MDFIC: variants seen among roughly 807,000 people sequenced by gnomAD.
MDFIC encodes the protein myoD family inhibitor domain-containing protein.
In MDFIC, 17 loss-of-function variants were observed where a neutral mutation model predicts 23.2. The observed-to-expected ratio is 0.73, with a 90% CI of 0.50 to 1.10. The LOEUF (loss-of-function observed/expected upper bound fraction) is 1.10, where lower values mean the gene tolerates loss of function less well. Ranked by LOEUF, MDFIC falls within the 50% of genes least tolerant of loss-of-function variation. MDFIC has a pLI of 0.00. For synonymous variants in MDFIC, 120 were observed against 115.2 expected, an observed-to-expected ratio of 1.04 and a Z score of -0.27; for missense variants, 356 against 316.6, an observed-to-expected ratio of 1.12 and a Z score of -0.95.
At chr7:114,944,507 A>C (rs1412593126) in intron 3 of MDFIC, among the ~76,000 whole-genome samples, 2 of 152,220 alleles carry the variant, frequency 1.3e-5, no homozygotes, top group Admixed American at 1.3e-4. Flanking sequence ...GAAGTGGAAC[A>C]TTTTATATCA....
intron 3 of MDFIC, among the ~76,000 whole-genome samples, chr7:114,954,173 A>C (rs914806310): frequency 2.0e-5 from 3 of 152,190 alleles, no homozygotes; most frequent in Non-Finnish European, 4.4e-5. Flanking sequence ...CTTTTTTATT[A>C]TGGAGATCTG....
intron 4 of MDFIC, among the ~76,000 whole-genome samples, chr7:114,984,983 G>A (rs1349096017): frequency 1.3e-5 from 2 of 152,160 alleles, no homozygotes; most frequent in Non-Finnish European, 2.9e-5. Flanking sequence ...GAACAAGACA[G>A]TGAAGAGCGT....
At chr7:114,924,970 T>C (rs1792161445) in intron 2 of MDFIC, among the ~76,000 whole-genome samples, 1 of 152,202 alleles carries the variant, frequency 6.6e-6, no homozygotes, top group South Asian at 2.1e-4. Context: ...TCTCAAGTTC[T>C]TTTATCCTCT....
chr7:114,942,384 T>G lies in MDFIC; in HGVS notation c.204T>G (p.Gly68=). ...DQSIWGNPSD[G]ELIRTQPQRL... ...CCATTTGGGGAAATCCTTCGGATGG[T>G]GAACTCATTAGAAGTAAGTATTTTT... Residue 68 remains glycine, a synonymous_variant, in exon 3 of 5, where the codon GGT becomes GGG. Coordinates refer to ENST00000393486, the MANE Select transcript of MDFIC (RefSeq NM_001166345.3). 1 of 1,599,006 alleles carries G rather than the reference T, an allele frequency of 6.3e-7. No homozygotes were observed. The highest frequency in any genetic ancestry group is 8.5e-7 in the Non-Finnish European group (1 of 1,173,362).
rs148522927 is a variant in MDFIC, at chr7:114,967,608, G to A, written c.218-11898G>A. Among the ~76,000 whole-genome samples, 12 of 152,098 alleles carry A rather than the reference G, an allele frequency of 7.9e-5. No homozygotes were observed. In the East Asian group the frequency reaches 2.3e-3, roughly 29 times the overall value. On this transcript the variant is annotated intron_variant, in intron 3 of 4. Coordinates refer to ENST00000393486, the MANE Select transcript of MDFIC (RefSeq NM_001166345.3). ...TATTTGTAAGTTAAGTTATATGAGG[G>A]CCAGGTCTTTATACATTTATTCTTT...
chr7:114,988,799 GAGA>G (rs1332613252), intron 4 of MDFIC, among the ~76,000 whole-genome samples: 1 of 152,200 alleles, frequency 6.6e-6, no homozygotes, highest in Non-Finnish European at 1.5e-5. Context: ...TGGAGCTGGA[GAGA>G]AGGAGTTAGA....
At chr7:114,948,795 C>T (rs1020724457) in intron 3 of MDFIC, among the ~76,000 whole-genome samples, 1 of 151,996 alleles carries the variant, frequency 6.6e-6, no homozygotes, top group Non-Finnish European at 1.5e-5. Context: ...ACCTCTAGTT[C>T]TCTGGAATTG....
intron 2 of MDFIC, among the ~76,000 whole-genome samples, chr7:114,935,652 C>A (rs1346454935): frequency 6.6e-6 from 1 of 151,732 alleles, no homozygotes; most frequent in African/African-American, 2.4e-5. Context: ...TATAAGTAGA[C>A]TAGGAAACCC....
intron 3 of MDFIC, among the ~76,000 whole-genome samples, chr7:114,953,095 A>T (rs1340505445): frequency 6.6e-6 from 1 of 152,228 alleles, no homozygotes; most frequent in Non-Finnish European, 1.5e-5. Flanking sequence ...TTTACTACAG[A>T]ACATGGAAGA....
At chr7:114,983,283 G>A (rs6466504) in intron 4 of MDFIC, among the ~76,000 whole-genome samples, 152,003 of 152,348 alleles carry the variant, frequency 1, 75,830 homozygotes, top group Middle Eastern at 1. Flanking sequence ...TGATTTTTGT[G>A]CCACATATAA....
intron 3 of MDFIC, among the ~76,000 whole-genome samples, chr7:114,942,683 T>C (rs777571408): frequency 6.6e-6 from 1 of 152,140 alleles, no homozygotes; most frequent in Non-Finnish European, 1.5e-5. Context: ...TAAGTGGAAG[T>C]CAAACAACTC....
chr7:114,926,361 A>G (rs1017414901), intron 2 of MDFIC, among the ~76,000 whole-genome samples: 1 of 152,222 alleles, frequency 6.6e-6, no homozygotes, highest in African/African-American at 2.4e-5. Context: ...TAGAAGCACA[A>G]ATTATAACAT....
chr7:114,939,813 T>A (rs1792503064), intron 2 of MDFIC, among the ~76,000 whole-genome samples: 1 of 152,240 alleles, frequency 6.6e-6, no homozygotes, highest in African/African-American at 2.4e-5. Flanking sequence ...GGAATTAAAT[T>A]TGAACAGCTC....
chr7:114,927,869 C>G (rs1411777676), intron 2 of MDFIC, among the ~76,000 whole-genome samples: 4 of 152,142 alleles, frequency 2.6e-5, no homozygotes, highest in Non-Finnish European at 5.9e-5. Context: ...TGGTAACTCA[C>G]AGAAAACATA....
chr7:114,979,989 G>A (rs1208022336), intron 4 of MDFIC: 25 of 635,208 alleles, frequency 3.9e-5, no homozygotes, highest in Admixed American at 2.1e-4. Context: ...TTAGATAATC[G>A]TCTTCTAGAG....
chr7:114,936,998 T>C (rs2115734670), intron 2 of MDFIC, among the ~76,000 whole-genome samples: 1 of 152,212 alleles, frequency 6.6e-6, no homozygotes, highest in South Asian at 2.1e-4. Context: ...TATTATCTAA[T>C]TTATTATTAA....
chr7:114,982,382 G>A (rs767263364), intron 4 of MDFIC, among the ~76,000 whole-genome samples: 9 of 152,070 alleles, frequency 5.9e-5, no homozygotes, highest in Non-Finnish European at 1.0e-4. Context: ...TATTTGTGCT[G>A]CTATAACAAA....
At chr7:114,953,646 G>A (rs1285257928) in intron 3 of MDFIC, among the ~76,000 whole-genome samples, 3 of 152,248 alleles carry the variant, frequency 2.0e-5, no homozygotes, top group Non-Finnish European at 4.4e-5. Context: ...CCACTTTCTA[G>A]CTATGTGATC....
chr7:114,980,798 C>T (rs777289042), intron 4 of MDFIC, among the ~76,000 whole-genome samples: 2 of 152,072 alleles, frequency 1.3e-5, no homozygotes, highest in African/African-American at 2.4e-5. Context: ...GTTGGTCATG[C>T]TTATTCATAG....
Sources: allele counts gnomAD v4.1 joint callset (sites outside exome capture counted in the v4.1 genomes callset), GRCh38; gene constraint gnomAD v4.1.1; transcripts MANE v1.5; gene names NCBI Gene and HGNC (gene_info 2026-07-23, HGNC 2026-07-21).